Variants in CDH18 observed in about 807,000 individuals in gnomAD.
CDH18 encodes the protein cadherin-18.
CDH18 carries 31 observed loss-of-function variants against 67.9 expected under a neutral mutation model. That is an observed-to-expected ratio of 0.46 (90% CI 0.34 to 0.62). The LOEUF is 0.62. CDH18 is among the 20% of genes least tolerant of loss of function. The pLI, the probability that CDH18 is intolerant of heterozygous loss-of-function variation, is 0.01. For missense variants in CDH18, 890 were observed against 975.5 expected (o/e 0.91, Z 1.17); for synonymous variants, 362 against 347.2 (o/e 1.04, Z -0.48).
At chr5:19,753,494 T>C (rs1303903195) in intron 3 of CDH18, among the ~76,000 whole-genome samples, 1 of 151,898 alleles carries the variant, frequency 6.6e-6, no homozygotes, top group Non-Finnish European at 1.5e-5. Flanking sequence ...AATAAGAAAA[T>C]ATGAACAAAG....
chr5:20,125,004 G>T (rs62352588), intron 2 of CDH18, among the ~76,000 whole-genome samples: 379 of 152,232 alleles, frequency 2.5e-3, no homozygotes, highest in Non-Finnish European at 4.4e-3. Context: ...GTAAAATCTG[G>T]TGTCAGAGAC....
intron 5 of CDH18, among the ~76,000 whole-genome samples, chr5:19,639,250 C>A (rs1328520368): frequency 6.6e-6 from 1 of 151,990 alleles, no homozygotes; most frequent in Non-Finnish European, 1.5e-5. Flanking sequence ...GATCTGCCTG[C>A]CTCGGCCTCC....
chr5:20,533,058 C>G (rs913861761), intron 1 of CDH18, among the ~76,000 whole-genome samples: 6 of 151,876 alleles, frequency 4.0e-5, no homozygotes, highest in Admixed American at 3.9e-4. Flanking sequence ...TAGGTTTGGC[C>G]GTATTAACTC....
chr5:19,743,194 G>A (rs1265450604), intron 4 of CDH18, among the ~76,000 whole-genome samples: 1 of 152,110 alleles, frequency 6.6e-6, no homozygotes. Context: ...TCTACCCAAA[G>A]GGAAGAAGCA....
chr5:19,683,185 T>C (rs1182676614), intron 5 of CDH18, among the ~76,000 whole-genome samples: 2 of 152,056 alleles, frequency 1.3e-5, no homozygotes, highest in African/African-American at 4.8e-5. Flanking sequence ...TCTGTGCAAA[T>C]AGGAAACAAA....
At chr5:20,285,898 T>C (rs938431838) in intron 1 of CDH18, among the ~76,000 whole-genome samples, 1 of 151,674 alleles carries the variant, frequency 6.6e-6, no homozygotes, top group African/African-American at 2.4e-5. Flanking sequence ...TTTCTGTATG[T>C]AGGTTAAATT....
At chr5:20,506,563 T>G (rs1279163760) in intron 1 of CDH18, among the ~76,000 whole-genome samples, 1 of 152,194 alleles carries the variant, frequency 6.6e-6, no homozygotes, top group Non-Finnish European at 1.5e-5. Flanking sequence ...CTACCCCAGT[T>G]GAGCCTCCAG....
chr5:19,959,656 T>A (rs987774574), intron 2 of CDH18, among the ~76,000 whole-genome samples: 2 of 152,086 alleles, frequency 1.3e-5, no homozygotes, highest in Admixed American at 6.6e-5. Flanking sequence ...GAGTGCTGTA[T>A]CTTGGAGACA....
At chr5:19,852,823 C>A (rs972280672) in intron 2 of CDH18, among the ~76,000 whole-genome samples, 1 of 151,956 alleles carries the variant, frequency 6.6e-6, no homozygotes, top group Admixed American at 6.6e-5. Flanking sequence ...ATCCATTTGG[C>A]CAAACAGAAC....
intron 11 of CDH18, among the ~76,000 whole-genome samples, chr5:19,494,435 G>C (rs1379366222): frequency 6.6e-6 from 1 of 152,134 alleles, no homozygotes; most frequent in Non-Finnish European, 1.5e-5. Context: ...GAGAAGCCAG[G>C]CTTCAAACAG....
intron 5 of CDH18, among the ~76,000 whole-genome samples, chr5:19,674,093 T>A (rs1307712467): frequency 2.0e-5 from 3 of 152,016 alleles, no homozygotes; most frequent in African/African-American, 7.2e-5. Flanking sequence ...CAGGTAGCAA[T>A]AGAAAAAACA....
intron 4 of CDH18, among the ~76,000 whole-genome samples, chr5:19,743,933 A>G (rs1265849984): frequency 6.6e-6 from 1 of 151,076 alleles, no homozygotes; most frequent in East Asian, 1.9e-4. Context: ...AAAAAAAAAA[A>G]AAAAAAAAAA....
intron 5 of CDH18, among the ~76,000 whole-genome samples, chr5:19,677,079 G>A (rs13175558): frequency 0.56 from 84,650 of 151,754 alleles, 26,680 homozygotes; most frequent in East Asian, 0.74. Context: ...ATTTGCCACT[G>A]GTAACATTCC....
At chr5:19,706,836 CAA>C (rs1764026676) in intron 5 of CDH18, among the ~76,000 whole-genome samples, 1 of 152,088 alleles carries the variant, frequency 6.6e-6, no homozygotes, top group Non-Finnish European at 1.5e-5. Context: ...GTCACAAAAG[CAA>C]AAGAGGGGAA....
At chr5:20,529,521 C>T (rs1198154307) in intron 1 of CDH18, among the ~76,000 whole-genome samples, 2 of 151,700 alleles carry the variant, frequency 1.3e-5, no homozygotes, top group Non-Finnish European at 2.9e-5. Context: ...TCCAGCAGCA[C>T]GTCTAAAAGC....
chr5:20,373,208 G>C (rs1562012015), intron 1 of CDH18, among the ~76,000 whole-genome samples: 1 of 152,126 alleles, frequency 6.6e-6, no homozygotes, highest in African/African-American at 2.4e-5. Flanking sequence ...TCTAAAAATA[G>C]AAACTGAAAT....
At chr5:20,373,609 A>C (rs1743180633) in intron 1 of CDH18, among the ~76,000 whole-genome samples, 1 of 151,894 alleles carries the variant, frequency 6.6e-6, no homozygotes. Flanking sequence ...CAAAGCATTA[A>C]AGAATTAATT....
intron 2 of CDH18, among the ~76,000 whole-genome samples, chr5:20,135,709 G>C (rs1749652739): frequency 6.6e-6 from 1 of 152,066 alleles, no homozygotes; most frequent in South Asian, 2.1e-4. Context: ...GATCTTTCCT[G>C]CTTTCTCTTG....
chr5:19,609,040 T>G (rs1162814595), intron 6 of CDH18, among the ~76,000 whole-genome samples: 1 of 151,968 alleles, frequency 6.6e-6, no homozygotes, highest in African/African-American at 2.4e-5. Context: ...TGTCAGTGAC[T>G]TTTTAACCTA....
Sources: gnomAD v4.1 joint callset for allele counts (sites outside exome capture counted in the v4.1 genomes callset) on GRCh38, gnomAD v4.1.1 for gene constraint, MANE v1.5 for transcripts, NCBI Gene and HGNC (gene_info 2026-07-23, HGNC 2026-07-21) for gene names.